Variants in ITCH observed in about 807,000 individuals in gnomAD.
ITCH encodes itchy E3 ubiquitin protein ligase.
ITCH carries 28 observed loss-of-function variants against 126.8 expected under a neutral mutation model. That is an observed-to-expected ratio of 0.22 (90% CI 0.16 to 0.30). ITCH has a LOEUF of 0.30. ITCH is among the 10% of genes least tolerant of loss of function. ITCH has a pLI of 1.00. For missense variants in ITCH, 631 were observed against 1,032.4 expected, an observed-to-expected ratio of 0.61 and a Z score of 5.33; for synonymous variants, 342 against 340.0, an observed-to-expected ratio of 1.01 and a Z score of -0.06.
intron 16 of ITCH, among the ~76,000 whole-genome samples, chr20:34,472,418 G>A (rs1170739781): frequency 1.5e-4 from 22 of 147,760 alleles, no homozygotes; most frequent in Non-Finnish European, 1.5e-5. Context: ...TCTACTATTC[G>A]CCTTTATCTT....
In ITCH at chr20:34,380,831, A is replaced by C. The variant is rs1258377303; in HGVS notation, c.-22+11361A>C. On this transcript the variant is annotated intron_variant, in intron 2 of 24. Coordinates refer to ENST00000374864, the MANE Select transcript of ITCH (RefSeq NM_031483.7). ...GAGACAGAGTCTCACTCTGTCACCC[A>C]GGCTGGAGTGCAGTGGCACAATCGT... is the stretch of plus-strand genomic sequence containing the variant. Among the ~76,000 whole-genome samples the C allele has an allele frequency of 7.2e-5, 11 of 151,988 alleles. No individual in the cohort carries two copies. In the East Asian group the frequency reaches 2.1e-3, roughly 29 times the overall value.
intron 3 of ITCH, among the ~76,000 whole-genome samples, chr20:34,398,009 T>A (rs1278355752): frequency 6.6e-6 from 1 of 151,918 alleles, no homozygotes; most frequent in African/African-American, 2.4e-5. Context: ...TTTTTTTTTT[T>A]ACTGTGATGA....
At chr20:34,417,967 CTT>C (rs796201494) in intron 6 of ITCH, among the ~76,000 whole-genome samples, 61 of 137,238 alleles carry the variant, frequency 4.4e-4, no homozygotes, top group Non-Finnish European at 4.2e-4. Flanking sequence ...TTACTTTCAA[CTT>C]TTTTTTTTTT....
At chr20:34,481,259 T>A in intron 20 of ITCH, 53 bp downstream of exon 20, 1 of 1,537,144 alleles carries the variant, frequency 6.5e-7, no homozygotes, top group East Asian at 2.3e-5. Context: ...AGCACATTGA[T>A]AATTGCTTAC....
At chr20:34,414,234 G>A (rs1273889900) in intron 6 of ITCH, among the ~76,000 whole-genome samples, 1 of 151,406 alleles carries the variant, frequency 6.6e-6, no homozygotes, top group East Asian at 1.9e-4. Context: ...TTATTTCTGT[G>A]AATAAAAGCA....
rs888831074 is a variant in ITCH, at chr20:34,481,108, C to T, written c.1995C>T (p.Ser665=). 33 of 1,613,172 alleles carry T rather than the reference C, an allele frequency of 2.0e-5. No individual in the cohort carries two copies. Among genetic ancestry groups the T allele is most frequent in the Non-Finnish European group, 2.4e-5 (28 of 1,179,516 alleles). Residue 665 remains serine, a synonymous_variant, in exon 20 of 25, where the codon TCC becomes TCT. Transcript: ENST00000374864. ...IEECDLEMYF[S]VDKEILGEIK... ...AATGTGATTTGGAAATGTACTTCTC[C>T]GTTGACAAAGAAATTCTAGGTGAAA...
intron 2 of ITCH, among the ~76,000 whole-genome samples, chr20:34,386,557 TTC>T (rs778679849): frequency 4.6e-5 from 7 of 152,204 alleles, no homozygotes; most frequent in African/African-American, 9.6e-5. Flanking sequence ...ACTCTGGACT[TTC>T]TGTCACAAGC....
At chr20:34,381,373 C>T (rs1251186844) in intron 2 of ITCH, among the ~76,000 whole-genome samples, 5 of 152,030 alleles carry the variant, frequency 3.3e-5, no homozygotes, top group Middle Eastern at 3.4e-3. Context: ...GCCTCCACCT[C>T]CCAGGATCAA....
chr20:34,371,000 C>T (rs974994265), intron 2 of ITCH, among the ~76,000 whole-genome samples: 4 of 151,790 alleles, frequency 2.6e-5, no homozygotes, highest in African/African-American at 4.8e-5. Context: ...AACCCCGTCT[C>T]TACTAAAAGT....
intron 2 of ITCH, among the ~76,000 whole-genome samples, chr20:34,373,087 G>T (rs1257673924): frequency 6.6e-6 from 1 of 150,910 alleles, no homozygotes; most frequent in Non-Finnish European, 1.5e-5. Context: ...CGATTCTCCT[G>T]CCTGAGTCTC....
chr20:34,489,673 G>A (rs1359590317), intron 21 of ITCH, 149 bp from the exon 22 acceptor site: 1 of 710,358 alleles, frequency 1.4e-6, no homozygotes, highest in African/African-American at 1.7e-5. Context: ...GCCTTCATGA[G>A]CAATGTAGAT....
In ITCH at chr20:34,449,456, C is replaced by T. The variant is rs754679059; in HGVS notation, c.1186C>T (p.Leu396Phe). Residue 396 changes from leucine (L) to phenylalanine (F), a missense_variant, in exon 12 of 25, where the codon CTT becomes TTT. Leu to Phe is a conservative substitution (Grantham distance 22). Around this residue, in one of 4 missense-constraint regions of ITCH, gnomAD observed 390 missense variants for 731.6 expected, o/e 0.53. Transcript: ENST00000374864. ...ATSQSKEFDP[L>F]GPLPPGWEKR... ...ATCACAAAGTAAAGAATTTGATCCT[C>T]TTGGTCCATTGCCACCTGGATGGGG... The T allele has an allele frequency of 6.2e-7, 1 of 1,611,864 alleles. No homozygotes were observed. The highest frequency in any genetic ancestry group is 8.5e-7 in the Non-Finnish European group (1 of 1,178,132).
intron 3 of ITCH, among the ~76,000 whole-genome samples, chr20:34,399,831 C>A (rs2038807855): frequency 6.6e-6 from 1 of 152,130 alleles, no homozygotes; most frequent in Non-Finnish European, 1.5e-5. Flanking sequence ...TCACGGTTCA[C>A]TGCAGCCTTA....
intron 6 of ITCH, 36 bp from the exon 7 acceptor site, chr20:34,424,444 T>G (rs1165016444): frequency 6.4e-7 from 1 of 1,565,700 alleles, no homozygotes. Context: ...ACTACTCTCT[T>G]GAAACTCATT....
chr20:34,374,042 G>A (rs553434361), intron 2 of ITCH, among the ~76,000 whole-genome samples: 45 of 151,984 alleles, frequency 3.0e-4, no homozygotes, highest in African/African-American at 1.0e-3. Flanking sequence ...CCACCACCAC[G>A]CCTGGCTAAT....
chr20:34,477,967 A>G (rs1988389467), intron 17 of ITCH, 107 bp downstream of exon 17: 6 of 1,415,338 alleles, frequency 4.2e-6, no homozygotes, highest in Non-Finnish European at 5.9e-6. Context: ...GGAAAATGAA[A>G]TATGTCAAAT....
chr20:34,386,806 A>G lies in ITCH; in HGVS notation c.-21-6985A>G, dbSNP rs114057978. On this transcript the variant is annotated intron_variant, in intron 2 of 24. Transcript: ENST00000374864. ...GATACATATTTAAAATAAGGCTATA[A>G]ATGTTTGTTGCTTAAGAGACAAGAT... is the stretch of plus-strand genomic sequence containing the variant. 9.1e-3 allele frequency among the ~76,000 whole-genome samples: 1,380 copies of G among 152,240 alleles called. 21 individuals are homozygous for G. Among genetic ancestry groups the G allele is most frequent in the African/African-American group, 0.031 (1,305 of 41,548 alleles).
chr20:34,379,019 A>C (rs1286772548), intron 2 of ITCH, among the ~76,000 whole-genome samples: 1 of 152,158 alleles, frequency 6.6e-6, no homozygotes, highest in Non-Finnish European at 1.5e-5. Flanking sequence ...GCTATTTACT[A>C]TAGGTCTTAA....
At chr20:34,471,673 GGTGTGTGT>G (rs10606931) in intron 16 of ITCH, among the ~76,000 whole-genome samples, 158 bp downstream of exon 16, 11,987 of 67,850 alleles carry the variant, frequency 0.18, 1,095 homozygotes, top group South Asian at 0.23. Flanking sequence ...GGGCTTAAGG[GGTGTGTGT>G]GTGTGTGTGT....
Sources: gnomAD v4.1 joint callset for allele counts (sites outside exome capture counted in the v4.1 genomes callset) on GRCh38, gnomAD v4.1.1 for gene constraint, gnomAD v4.1.1 regional missense constraint, MANE v1.5 for transcripts, NCBI Gene and HGNC (gene_info 2026-07-23, HGNC 2026-07-21) for gene names.